FLACC1: variants seen among roughly 807,000 people sequenced by gnomAD.
FLACC1 encodes the protein flagellum-associated coiled-coil domain-containing protein 1.
FLACC1 carries 66 observed loss-of-function variants against 62.8 expected under a neutral mutation model. The observed-to-expected ratio is 1.05, with a 90% confidence interval of 0.86 to 1.29. The LOEUF (loss-of-function observed/expected upper bound fraction) is 1.29. FLACC1 is among the 50% of genes most tolerant of loss of function. The probability of loss-of-function intolerance (pLI) is 0.00; values close to 1 mark genes in which losing one functional copy is unlikely to be tolerated. For missense variants in FLACC1, 452 were observed against 489.1 expected, an observed-to-expected ratio of 0.92 and a Z score of 0.71; for synonymous variants, 156 against 161.0, an observed-to-expected ratio of 0.97 and a Z score of 0.24.
At chr2:201,314,039 C>T (rs561305374) in intron 9 of FLACC1, among the ~76,000 whole-genome samples, 2 of 152,226 alleles carry the variant, frequency 1.3e-5, no homozygotes, top group Admixed American at 1.3e-4. Context: ...AGAGAACACG[C>T]CATAGGACAA....
chr2:201,353,849 C>T (rs770955077), intron 1 of FLACC1, among the ~76,000 whole-genome samples: 3 of 152,196 alleles, frequency 2.0e-5, no homozygotes, highest in Non-Finnish European at 4.4e-5. Context: ...TCTCCTGCCT[C>T]GGCCTCCCAA....
intron 9 of FLACC1, among the ~76,000 whole-genome samples, chr2:201,320,649 C>T (rs556250990): frequency 6.6e-6 from 1 of 152,322 alleles, no homozygotes; most frequent in South Asian, 2.1e-4. Context: ...GAACCACTCC[C>T]ATCCCCTGGC....
Position 201,288,752 on chromosome 2 carries a change from A to AT in FLACC1, c.1171dup (p.Ile391AsnfsTer3). ...CAATCTCCCAGAACATCCTTCACAA[A>AT]TTTCTTCATTCTTAGAAATTATCTT... On this transcript the variant is annotated frameshift_variant, in exon 15 of 15. Transcript: ENST00000392257. LOFTEE classifies it low-confidence loss of function (END_TRUNC). 6.2e-7 allele frequency: 1 copy of AT among 1,613,922 alleles called. No homozygotes were observed. Among genetic ancestry groups the AT allele is most frequent in the Non-Finnish European group, 8.5e-7 (1 of 1,180,002 alleles).
At position 201,346,119 on chromosome 2, in the gene FLACC1, C is replaced by T. The variant is rs933665502; in HGVS notation, c.368+423G>A. On this transcript the variant is annotated intron_variant, in intron 5 of 14. Transcript: ENST00000392257. The surrounding 1 kb of genome is among the most constrained non-coding windows in gnomAD (Gnocchi z 4.0). ...GGCAGAAGTTGCAGTGAGCTGAGAT[C>T]GTGCCACTAAACTCCAGCCTGGGTG... Among the ~76,000 whole-genome samples, 1 of 152,022 alleles carries T rather than the reference C, an allele frequency of 6.6e-6. No individual in the cohort carries two copies. Among genetic ancestry groups the T allele is most frequent in the East Asian group, 1.9e-4 (1 of 5,190 alleles).
chr2:201,364,146 G>A, the FLACC1 span, among the ~76,000 whole-genome samples: 1 of 152,132 alleles, frequency 6.6e-6, no homozygotes, highest in Non-Finnish European at 1.5e-5. Context: ...CTGGTTTGTA[G>A]GTTGAACTGC....
chr2:201,318,585 T>G (rs1054147292), intron 9 of FLACC1, among the ~76,000 whole-genome samples: 21 of 147,570 alleles, frequency 1.4e-4, no homozygotes, highest in Middle Eastern at 3.4e-3. Flanking sequence ...AATCAAAAAA[T>G]AAAAAAAAAA....
At chr2:201,322,758 C>T (rs1190361563) in intron 9 of FLACC1, among the ~76,000 whole-genome samples, 1 of 151,950 alleles carries the variant, frequency 6.6e-6, no homozygotes, top group Non-Finnish European at 1.5e-5. Flanking sequence ...CTTTAAAATA[C>T]CAGATAAGGA....
intron 7 of FLACC1, among the ~76,000 whole-genome samples, chr2:201,336,981 A>T (rs1324984027): frequency 1.3e-5 from 2 of 152,164 alleles, no homozygotes; most frequent in South Asian, 2.1e-4. Flanking sequence ...TTTAAGAAAG[A>T]TGTCCTTTAC....
chr2:201,358,627 CG>C (rs1338954733), upstream of FLACC1, among the ~76,000 whole-genome samples: 11 of 152,016 alleles, frequency 7.2e-5, no homozygotes, highest in Admixed American at 6.6e-5. Context: ...CCGTTTTAGC[CG>C]GGATGGTCTC....
chr2:201,350,904 G>T, intron 2 of FLACC1, 122 bp from the exon 3 acceptor site: 2 of 798,558 alleles, frequency 2.5e-6, no homozygotes, highest in Non-Finnish European at 2.0e-6. Flanking sequence ...TCTGATAGCT[G>T]GAATCTTTAA....
In FLACC1 at chr2:201,326,668, G is replaced by T. The variant is rs1950506153; in HGVS notation, c.675+3802C>A. ...AAAACACAGCTGAAAGAAGTAATAG[G>T]TTATACAAACAAATGGAAATGCATT... On this transcript the variant is annotated intron_variant, in intron 9 of 14. Transcript: ENST00000392257. This position sits in a 1 kb window ranked among gnomAD's most constrained non-coding sequence, Gnocchi z 4.1. 6.6e-6 allele frequency among the ~76,000 whole-genome samples: 1 copy of T among 152,084 alleles called. No individual in the cohort carries two copies. The highest frequency in any genetic ancestry group is 1.5e-5 in the Non-Finnish European group (1 of 67,976).
At chr2:201,320,188 G>A (rs572698508) in intron 9 of FLACC1, among the ~76,000 whole-genome samples, 1 of 152,350 alleles carries the variant, frequency 6.6e-6, no homozygotes, top group East Asian at 1.9e-4. Flanking sequence ...ACCCTGTGGA[G>A]GACAGCCAAA....
At chr2:201,288,869 C>T in intron 14 of FLACC1, 88 bp from the exon 15 acceptor site, 1 of 1,452,042 alleles carries the variant, frequency 6.9e-7, no homozygotes, top group Non-Finnish European at 9.3e-7. Flanking sequence ...AGAAATGTGC[C>T]TTCGTTCCTT....
At chr2:201,315,436 A>G (rs1380312107) in intron 9 of FLACC1, among the ~76,000 whole-genome samples, 6 of 152,240 alleles carry the variant, frequency 3.9e-5, no homozygotes, top group Admixed American at 3.9e-4. Flanking sequence ...CTTTAAAGCA[A>G]CAGCAGTTAA....
intron 9 of FLACC1, among the ~76,000 whole-genome samples, chr2:201,311,002 T>C (rs1357188822): frequency 2.0e-5 from 3 of 152,044 alleles, no homozygotes; most frequent in East Asian, 3.8e-4. Context: ...TCAGAGATCA[T>C]TATGAACATC....
At chr2:201,338,564 A>C (rs1319253505) in intron 7 of FLACC1, among the ~76,000 whole-genome samples, 1 of 151,972 alleles carries the variant, frequency 6.6e-6, no homozygotes, top group African/African-American at 2.4e-5. Flanking sequence ...TGTTATGTTG[A>C]GGTATGTTTC....
the FLACC1 span, among the ~76,000 whole-genome samples, chr2:201,362,883 G>A: frequency 6.6e-6 from 1 of 152,178 alleles, no homozygotes; most frequent in Non-Finnish European, 1.5e-5. Flanking sequence ...TGTGCAAAGA[G>A]CCTCAGTAGT....
Position 201,323,805 on chromosome 2 carries a change from T to TAAAAAAAAAAAAAA in FLACC1, c.675+6664_675+6665insTTTTTTTTTTTTTT, listed in dbSNP as rs1576447085. Reference sequence around the variant, plus strand: ...CTATCAAAAAAAAAAAAAAAAAAAGTAAGGAAGGAAGGAAGGAAAGAAAAG... The same window carrying TAAAAAAAAAAAAAA: ...CTATCAAAAAAAAAAAAAAAAAAAGTAAAAAAAAAAAAAAAAGGAAGGAAGGAAGGAAAGAAAAG... On this transcript the variant is annotated intron_variant, in intron 9 of 14. Coordinates refer to ENST00000392257, the MANE Select transcript of FLACC1 (RefSeq NM_001127391.3). 9.1e-4 allele frequency among the ~76,000 whole-genome samples: 72 copies of TAAAAAAAAAAAAAA among 79,298 alleles called. 2 individuals carry two copies. The highest frequency in any genetic ancestry group is 3.1e-3 in the African/African-American group (66 of 21,372). The allele number at this position is 79,298 out of a possible 152,430, so 52.0% of individuals were successfully genotyped here.
At position 201,326,376 on chromosome 2, in the gene FLACC1, A is replaced by G. The variant is rs1310392047; in HGVS notation, c.675+4094T>C. Among the ~76,000 whole-genome samples, 1 of 152,250 alleles carries G rather than the reference A, an allele frequency of 6.6e-6. No homozygotes were observed. Among genetic ancestry groups the G allele is most frequent in the Non-Finnish European group, 1.5e-5 (1 of 68,042 alleles). On this transcript the variant is annotated intron_variant, in intron 9 of 14. Coordinates refer to ENST00000392257, the MANE Select transcript of FLACC1 (RefSeq NM_001127391.3). This position sits in a 1 kb window ranked among gnomAD's most constrained non-coding sequence, Gnocchi z 4.1. The stretch of plus-strand genomic sequence containing the variant: ...GTCCAAATTGGAAAAGAAGAAGTCA[A>G]ACTATTGCTGTTTGAAGATTATATA...
Sources: allele counts gnomAD v4.1 joint callset (sites outside exome capture counted in the v4.1 genomes callset), GRCh38; gene constraint gnomAD v4.1.1; non-coding constraint Gnocchi (gnomAD v3.1); transcripts MANE v1.5; gene names NCBI Gene and HGNC (gene_info 2026-07-23, HGNC 2026-07-21).